GRIK2: variants seen among roughly 807,000 people sequenced by gnomAD.
GRIK2 encodes the protein glutamate receptor ionotropic, kainate 2.
In GRIK2, 32 loss-of-function variants were observed where a neutral mutation model predicts 100.3. The observed-to-expected ratio is 0.32, with a 90% CI of 0.24 to 0.43. The LOEUF is 0.43. Ranked by LOEUF, GRIK2 falls within the 20% of genes least tolerant of loss-of-function variation. The pLI is 1.00. For missense variants in GRIK2, 843 were observed against 1,114.9 expected, an observed-to-expected ratio of 0.76 and a Z score of 3.47; for synonymous variants, 417 against 389.4, an observed-to-expected ratio of 1.07 and a Z score of -0.83.
chr6:101,683,322 A>G (rs1771429466), intron 6 of GRIK2, among the ~76,000 whole-genome samples: 1 of 152,174 alleles, frequency 6.6e-6, no homozygotes, highest in South Asian at 2.1e-4. Context: ...TACATTTTCT[A>G]TTCTGCTTTT....
chr6:101,460,772 A>T (rs1363563720), intron 2 of GRIK2, among the ~76,000 whole-genome samples: 1 of 152,178 alleles, frequency 6.6e-6, no homozygotes, highest in African/African-American at 2.4e-5. Flanking sequence ...GCTCTCTAAC[A>T]TCAAATTTTG....
chr6:101,428,451 C>A (rs1165745133), intron 2 of GRIK2, among the ~76,000 whole-genome samples: 1 of 152,188 alleles, frequency 6.6e-6, no homozygotes, highest in Middle Eastern at 3.4e-3. Flanking sequence ...AGGCTTTGGT[C>A]ATTTAACATT....
chr6:101,662,851 T>G (rs1416648471), intron 4 of GRIK2, among the ~76,000 whole-genome samples: 2 of 152,252 alleles, frequency 1.3e-5, no homozygotes, highest in Non-Finnish European at 2.9e-5. Flanking sequence ...ACCATTTATA[T>G]TTTTTAATTT....
chr6:101,453,431 A>G (rs1040405887), intron 2 of GRIK2, among the ~76,000 whole-genome samples: 12 of 152,014 alleles, frequency 7.9e-5, no homozygotes, highest in Non-Finnish European at 1.3e-4. Flanking sequence ...TCCTGAACAA[A>G]TATATTTATA....
intron 10 of GRIK2, among the ~76,000 whole-genome samples, chr6:101,839,758 A>C (rs1783380673): frequency 6.6e-6 from 1 of 152,148 alleles, no homozygotes; most frequent in African/African-American, 2.4e-5. Flanking sequence ...AAAATGAAGA[A>C]TATATCATTT....
intron 4 of GRIK2, among the ~76,000 whole-genome samples, chr6:101,647,082 A>G (rs1195741122): frequency 6.6e-6 from 1 of 152,002 alleles, no homozygotes; most frequent in Non-Finnish European, 1.5e-5. Flanking sequence ...TGAGTCTTAA[A>G]GATGTTATGA....
chr6:101,906,481 T>C (rs1788240225), intron 12 of GRIK2, among the ~76,000 whole-genome samples: 1 of 151,648 alleles, frequency 6.6e-6, no homozygotes, highest in Admixed American at 6.6e-5. Context: ...CTAAGAAGTG[T>C]GGAGAAATGC....
intron 10 of GRIK2, among the ~76,000 whole-genome samples, chr6:101,819,288 C>T (rs1377938659): frequency 6.6e-6 from 1 of 152,144 alleles, no homozygotes; most frequent in Non-Finnish European, 1.5e-5. Flanking sequence ...CTAGAACAAA[C>T]TACCATGAAC....
chr6:101,667,067 G>A (rs2128336411), intron 4 of GRIK2, among the ~76,000 whole-genome samples: 1 of 152,246 alleles, frequency 6.6e-6, no homozygotes, highest in Admixed American at 6.5e-5. Flanking sequence ...GAGAGTTAAT[G>A]ACCTGGGATT....
chr6:101,678,115 G>A (rs1770975249), intron 5 of GRIK2, among the ~76,000 whole-genome samples: 1 of 152,048 alleles, frequency 6.6e-6, no homozygotes, highest in Admixed American at 6.6e-5. Flanking sequence ...CCTGGAGTGA[G>A]TGGCACTAAG....
At chr6:101,575,994 C>T (rs1289672973) in intron 2 of GRIK2, among the ~76,000 whole-genome samples, 1 of 151,868 alleles carries the variant, frequency 6.6e-6, no homozygotes. Flanking sequence ...AGCTAAACAA[C>T]CAAGATGTTT....
intron 2 of GRIK2, among the ~76,000 whole-genome samples, chr6:101,593,416 A>G (rs1031904399): frequency 2.0e-5 from 3 of 151,894 alleles, no homozygotes; most frequent in Non-Finnish European, 4.4e-5. Context: ...GTAGTTATTT[A>G]TATTTTACAG....
At chr6:101,957,287 A>G (rs965808587) in intron 14 of GRIK2, among the ~76,000 whole-genome samples, 1 of 151,462 alleles carries the variant, frequency 6.6e-6, no homozygotes. Flanking sequence ...GGCTGCTTGT[A>G]TGTCTTATTC....
chr6:101,554,992 A>C (rs2518302), intron 2 of GRIK2, among the ~76,000 whole-genome samples: 120,960 of 152,056 alleles, frequency 0.8, 48,414 homozygotes, highest in African/African-American at 0.86. Flanking sequence ...ATTGCAAGTA[A>C]ATTTAATTTC....
Position 101,662,985 on chromosome 6 carries a change from G to A in GRIK2, c.542-13638G>A, listed in dbSNP as rs146388933. ...AATAAGCACAACTACTAAAGACTTT[G>A]GGGTTGATGATATTATTTCTGGGAC... On this transcript the variant is annotated intron_variant, in intron 4 of 16. Coordinates refer to ENST00000369134, the MANE Select transcript of GRIK2 (RefSeq NM_021956.5). Among the ~76,000 whole-genome samples the A allele has an allele frequency of 7.8e-3, 1,188 of 152,024 alleles. 13 individuals are homozygous for A. Among genetic ancestry groups the A allele is most frequent in the African/African-American group, 0.026 (1,060 of 41,488 alleles).
chr6:102,035,184 A>G (rs1770199494), intron 14 of GRIK2, among the ~76,000 whole-genome samples, 157 bp from the exon 15 acceptor site: 1 of 116,320 alleles, frequency 8.6e-6, no homozygotes, highest in African/African-American at 3.9e-5. Flanking sequence ...ACAGATTCAG[A>G]CTTTTTTGGT....
chr6:101,782,470 C>T (rs961833084), intron 7 of GRIK2, among the ~76,000 whole-genome samples: 2 of 152,110 alleles, frequency 1.3e-5, no homozygotes, highest in Admixed American at 6.6e-5. Flanking sequence ...TTACTTTCTG[C>T]GCCTCACTTA....
Position 101,746,772 on chromosome 6 carries a change from T to C in GRIK2, c.952-52876T>C, listed in dbSNP as rs550933270. On this transcript the variant is annotated intron_variant, in intron 7 of 16. Transcript: ENST00000369134. ...CTCAGTTTCCCTTTGTAAATACATATGTGCATATGTGTATGCACACACACA... is the reference window on the plus strand; with the variant it reads ...CTCAGTTTCCCTTTGTAAATACATACGTGCATATGTGTATGCACACACACA... Among the ~76,000 whole-genome samples the C allele has an allele frequency of 2.8e-4, 43 of 152,120 alleles. 1 individual carries two copies. In the South Asian group the frequency reaches 8.5e-3, roughly 30 times the overall value.
chr6:101,621,587 G>A (rs1780162148), intron 2 of GRIK2, among the ~76,000 whole-genome samples: 1 of 151,940 alleles, frequency 6.6e-6, no homozygotes, highest in Admixed American at 6.6e-5. Context: ...ACAAATTTTG[G>A]GGGGGATAAA....
Sources: gnomAD v4.1 joint callset for allele counts (sites outside exome capture counted in the v4.1 genomes callset) on GRCh38, gnomAD v4.1.1 for gene constraint, MANE v1.5 for transcripts, NCBI Gene and HGNC (gene_info 2026-07-23, HGNC 2026-07-21) for gene names.